The following KLRG1 variants were observed in gnomAD, a reference collection of about 807,000 sequenced individuals.
KLRG1 encodes killer cell lectin-like receptor subfamily G member 1.
Under a neutral mutation model 21.8 loss-of-function variants are expected in KLRG1, and 16 were observed. The observed-to-expected ratio is 0.73, with a 90% confidence interval of 0.50 to 1.11. The LOEUF (loss-of-function observed/expected upper bound fraction) is 1.11. Among genes scored for constraint, KLRG1 ranks in the 50% most tolerant of loss-of-function variants. The pLI is 0.00. For missense variants in KLRG1, 173 were observed against 218.3 expected (o/e 0.79, Z 1.31); for synonymous variants, 69 against 75.9 (o/e 0.91, Z 0.47).
At chr12:9,027,855 C>T in the KLRG1 span, 1 of 920,572 alleles carries the variant, frequency 1.1e-6, no homozygotes, top group South Asian at 1.3e-5. Flanking sequence ...GTTGTCACTC[C>T]CACCAAAACC....
chr12:9,070,971 C>A, the KLRG1 span, among the ~76,000 whole-genome samples: 1 of 152,176 alleles, frequency 6.6e-6, no homozygotes, highest in East Asian at 1.9e-4. Context: ...CAGGCATGCA[C>A]CACCACGTCC....
At chr12:9,113,750 A>C in the KLRG1 span, among the ~76,000 whole-genome samples, 5 of 152,114 alleles carry the variant, frequency 3.3e-5, no homozygotes, top group South Asian at 2.1e-4. Flanking sequence ...ATTTTACTTG[A>C]GGTAGGTCTT....
At chr12:8,981,694 C>T (rs976569271) in intron 1 of KLRG1, among the ~76,000 whole-genome samples, 7 of 151,694 alleles carry the variant, frequency 4.6e-5, no homozygotes, top group Admixed American at 2.0e-4. Flanking sequence ...CACCTAAAAA[C>T]GTGTATTCTT....
intron 3 of KLRG1, among the ~76,000 whole-genome samples, chr12:8,999,485 G>A (rs146604017): frequency 3.3e-4 from 50 of 152,276 alleles, no homozygotes; most frequent in African/African-American, 1.2e-3. Flanking sequence ...GATTCCCCGA[G>A]CTTTTGATGT....
the KLRG1 span, chr12:9,162,186 C>A: frequency 6.3e-6 from 1 of 158,648 alleles, no homozygotes; most frequent in Non-Finnish European, 1.4e-5. Context: ...GTTCTCAAAC[C>A]CCTGACCTCA....
chr12:9,161,013 C>T, the KLRG1 span: 2 of 1,538,150 alleles, frequency 1.3e-6, no homozygotes, highest in Non-Finnish European at 1.8e-6. Context: ...CCCAGGTTTA[C>T]TAAATGGAAG....
the KLRG1 span, among the ~76,000 whole-genome samples, chr12:9,038,903 C>A: frequency 4.8e-3 from 654 of 136,664 alleles, no homozygotes; most frequent in Middle Eastern, 0.011. Context: ...GACTCTGTCT[C>A]AAAAAAAAAA....
At chr12:8,995,026 G>C in intron 2 of KLRG1, 93 bp from the exon 3 acceptor site, 3 of 1,153,412 alleles carry the variant, frequency 2.6e-6, no homozygotes, top group Non-Finnish European at 3.7e-6. Context: ...GAGCAGGGAA[G>C]ACCCAGGGCT....
the KLRG1 span, chr12:9,163,801 A>T: frequency 2.5e-6 from 4 of 1,609,352 alleles, no homozygotes; most frequent in Non-Finnish European, 3.4e-6. Context: ...TAAAACAAGG[A>T]ATATTGAAAA....
the KLRG1 span, chr12:9,200,458 G>C: frequency 6.3e-7 from 1 of 1,575,644 alleles, no homozygotes. Context: ...ACTGTTAATA[G>C]AGATAATAGG....
intron 1 of KLRG1, among the ~76,000 whole-genome samples, chr12:8,978,750 T>C (rs1387344491): frequency 6.6e-6 from 1 of 150,524 alleles, no homozygotes; most frequent in African/African-American, 2.5e-5. Flanking sequence ...AGTCTCACTC[T>C]GTCACCCAGG....
chr12:9,153,422 C>A, the KLRG1 span: 1 of 1,222,694 alleles, frequency 8.2e-7, no homozygotes, highest in Non-Finnish European at 1.2e-6. Flanking sequence ...CTGTGTTAGC[C>A]TACCATGAGG....
chr12:9,166,845 G>T, the KLRG1 span: 1 of 152,176 alleles, frequency 6.6e-6, no homozygotes, highest in Non-Finnish European at 1.5e-5. Flanking sequence ...CAACGTGAGA[G>T]GGTGGAGAGC....
At chr12:9,145,892 T>G in the KLRG1 span, among the ~76,000 whole-genome samples, 1 of 152,216 alleles carries the variant, frequency 6.6e-6, no homozygotes, top group African/African-American at 2.4e-5. Flanking sequence ...AAATTTCTGC[T>G]GAAAAACCAG....
At chr12:8,960,747 G>T in intron 1 of KLRG1, among the ~76,000 whole-genome samples, 1 of 152,154 alleles carries the variant, frequency 6.6e-6, no homozygotes, top group East Asian at 1.9e-4. Flanking sequence ...GGGCAGATTT[G>T]TTTATTGTCC....
In KLRG1 at chr12:8,953,057, C is replaced by T. The variant is rs770313817; in HGVS notation, c.-156+2821C>T. On this transcript the variant is annotated intron_variant, in intron 1 of 4. Coordinates refer to the KLRG1 transcript ENST00000539240. ...TCCATAGCTAGTGACACCCCCCCCC[C>T]GCAAAACCCCCAGGCCTCACTTGAC... is the stretch of plus-strand genomic sequence containing the variant. Among the ~76,000 whole-genome samples, 67 of 143,604 alleles carry T rather than the reference C, an allele frequency of 4.7e-4. 1 individual carries two copies. Among genetic ancestry groups the T allele is most frequent in the African/African-American group, 1.5e-3 (57 of 38,498 alleles). 94.2% of individuals were successfully genotyped at this position (143,604 alleles called of 152,430 possible). A position where few individuals can be genotyped will look rare whatever the true frequency, so the allele number is the denominator to read the frequency against.
chr12:9,143,023 G>T, the KLRG1 span, among the ~76,000 whole-genome samples: 2 of 152,218 alleles, frequency 1.3e-5, no homozygotes, highest in African/African-American at 4.8e-5. Flanking sequence ...CAAGATTTAT[G>T]AAGAGAAAAA....
the KLRG1 span, among the ~76,000 whole-genome samples, chr12:9,076,587 T>G: frequency 6.6e-6 from 1 of 152,218 alleles, no homozygotes; most frequent in Non-Finnish European, 1.5e-5. Context: ...ATTTCTGATT[T>G]GATTAAGAAA....
chr12:9,031,423 C>T, the KLRG1 span, among the ~76,000 whole-genome samples: 1 of 152,156 alleles, frequency 6.6e-6, no homozygotes, highest in Non-Finnish European at 1.5e-5. Flanking sequence ...AGGACTTACC[C>T]GTTCCACCGG....
Sources: gnomAD v4.1 joint callset for allele counts (sites outside exome capture counted in the v4.1 genomes callset) on GRCh38, gnomAD v4.1.1 for gene constraint, MANE v1.5 for transcripts, NCBI Gene and HGNC (gene_info 2026-07-23, HGNC 2026-07-21) for gene names.